DSCAML1: variants seen among roughly 807,000 people sequenced by gnomAD.
DSCAML1 encodes DS cell adhesion molecule like 1.
DSCAML1 carries 38 observed loss-of-function variants against 200.5 expected under a neutral mutation model. The ratio of observed to expected loss-of-function variants is 0.19; its 90% CI spans 0.15 to 0.25. The LOEUF (loss-of-function observed/expected upper bound fraction) is 0.25, where lower values mean the gene tolerates loss of function less well. Among genes scored for constraint, DSCAML1 ranks in the 10% least tolerant of loss-of-function variants. The probability of loss-of-function intolerance (pLI) is 1.00; values close to 1 mark genes in which losing one functional copy is unlikely to be tolerated. For missense variants in DSCAML1, 2,223 were observed against 2,858.8 expected (o/e 0.78, Z 5.07); for synonymous variants, 1,215 against 1,165.0 (o/e 1.04, Z -0.87).
intron 3 of DSCAML1, among the ~76,000 whole-genome samples, chr11:117,645,472 G>A (rs894439658): frequency 7.2e-5 from 11 of 151,958 alleles, no homozygotes; most frequent in South Asian, 2.1e-4. Flanking sequence ...TCAAATCTGC[G>A]GACCAGCATA....
chr11:117,723,640 G>C lies in DSCAML1; in HGVS notation c.511+53151C>G, dbSNP rs941105865. ...CCGCGGCTGTTTTAGAAGCCTGCCC[G>C]GGGTTGGCGTTGAGTTCATCTGTGG... On this transcript the variant is annotated intron_variant, in intron 3 of 32. Coordinates refer to ENST00000651296, the MANE Select transcript of DSCAML1 (RefSeq NM_020693.4). 2.0e-5 allele frequency among the ~76,000 whole-genome samples: 3 copies of C among 152,164 alleles called. No homozygotes were observed. In the East Asian group the frequency reaches 5.8e-4, roughly 29 times the overall value.
intron 21 of DSCAML1, among the ~76,000 whole-genome samples, chr11:117,441,489 T>A (rs1157721292): frequency 6.6e-6 from 1 of 151,668 alleles, no homozygotes; most frequent in Non-Finnish European, 1.5e-5. Context: ...CCAAGGGTGG[T>A]GGCGGAGGAC....
At chr11:117,558,964 T>G (rs568575412) in intron 3 of DSCAML1, among the ~76,000 whole-genome samples, 1 of 152,194 alleles carries the variant, frequency 6.6e-6, no homozygotes, top group South Asian at 2.1e-4. Flanking sequence ...GCCAAGGTCG[T>G]CTAGCTATTT....
chr11:117,534,308 G>A (rs952219204), intron 3 of DSCAML1, among the ~76,000 whole-genome samples: 1 of 152,226 alleles, frequency 6.6e-6, no homozygotes, highest in African/African-American at 2.4e-5. Flanking sequence ...GAACTGCAGG[G>A]CTGAAAAGCT....
intron 3 of DSCAML1, among the ~76,000 whole-genome samples, chr11:117,596,822 T>G (rs1194808810): frequency 6.6e-6 from 1 of 152,256 alleles, no homozygotes; most frequent in Admixed American, 6.5e-5. Context: ...TTCATTGTTT[T>G]GAATGCAGAG....
chr11:117,481,962 C>T lies in DSCAML1; in HGVS notation c.2559+1G>A. On this transcript the variant is annotated splice_donor_variant, in intron 12 of 32. Transcript: ENST00000651296. LOFTEE classifies it high-confidence loss of function. The stretch of plus-strand genomic sequence containing the variant: ...CCCAGCACTGAGGTGGGGGTGCTCA[C>T]CTTCAGTGTGGAGACGACCTCGTCG... 6.2e-7 allele frequency: 1 copy of T among 1,613,994 alleles called. No homozygotes were observed. Among genetic ancestry groups the T allele is most frequent in the Non-Finnish European group, 8.5e-7 (1 of 1,179,990 alleles).
At chr11:117,539,967 G>A (rs2510853) in intron 3 of DSCAML1, among the ~76,000 whole-genome samples, 79,166 of 152,078 alleles carry the variant, frequency 0.52, 21,208 homozygotes, top group African/African-American at 0.63. Context: ...ATTTGGGCAC[G>A]TGCTTCAACA....
chr11:117,719,106 T>C (rs1386162507), intron 3 of DSCAML1, among the ~76,000 whole-genome samples: 1 of 151,994 alleles, frequency 6.6e-6, no homozygotes, highest in Non-Finnish European at 1.5e-5. Flanking sequence ...CATAGTAACC[T>C]AGGGGGAGGG....
intron 24 of DSCAML1, 97 bp from the exon 25 acceptor site, chr11:117,438,180 G>C (rs188609835): frequency 8.1e-7 from 1 of 1,234,090 alleles, no homozygotes; most frequent in South Asian, 1.5e-5. Flanking sequence ...GCTCCAGGCA[G>C]GGGGCAGAGT....
intron 3 of DSCAML1, among the ~76,000 whole-genome samples, chr11:117,678,015 C>T (rs2053246471): frequency 6.6e-6 from 1 of 152,212 alleles, no homozygotes; most frequent in Non-Finnish European, 1.5e-5. Flanking sequence ...CGGAGACCAA[C>T]CAAAAAGGTC....
chr11:117,568,823 C>T (rs1436260144), intron 3 of DSCAML1, among the ~76,000 whole-genome samples: 1 of 152,182 alleles, frequency 6.6e-6, no homozygotes, highest in Non-Finnish European at 1.5e-5. Context: ...TCAATGCCAT[C>T]ACCATCAGGC....
chr11:117,587,172 C>T (rs1053953476), intron 3 of DSCAML1, among the ~76,000 whole-genome samples: 3 of 152,070 alleles, frequency 2.0e-5, no homozygotes, highest in Admixed American at 2.0e-4. Flanking sequence ...CCACCACCCT[C>T]ACTCCTCCTA....
Position 117,505,821 on chromosome 11 carries a change from G to A in DSCAML1, c.1784-89C>T. 6.8e-7 allele frequency: 1 copy of A among 1,476,020 alleles called. No individual in the cohort carries two copies. The highest frequency in any genetic ancestry group is 9.0e-7 in the Non-Finnish European group (1 of 1,105,044). 91.4% of individuals were successfully genotyped at this position (1,476,020 alleles called of 1,614,324 possible). A position where few individuals can be genotyped will look rare whatever the true frequency, so the allele number is the denominator to read the frequency against. On this transcript the variant is annotated intron_variant, in intron 8 of 32. Transcript: ENST00000651296. This position sits in a 1 kb window ranked among gnomAD's most constrained non-coding sequence, Gnocchi z 6.7. ...CCTCACCTGCCTTACCTGGGGCTCT[G>A]GGTTGGGCCTTGAACAAAGATCCCC...
rs533948278 is a variant in DSCAML1 at position 117,675,470 on chromosome 11, ATTTT to A, written c.511+101317_511+101320del. On this transcript the variant is annotated intron_variant, in intron 3 of 32. Transcript: ENST00000651296. ...GTGCCCCTATGCCTGGCTGATTGAA[ATTTT>A]TTTTTTTTTTTTTTTTTTTTTTTTT... is the stretch of plus-strand genomic sequence containing the variant. Among the ~76,000 whole-genome samples the A allele has an allele frequency of 8.1e-3, 781 of 96,916 alleles. 12 individuals carry two copies. Among genetic ancestry groups the A allele is most frequent in the African/African-American group, 0.033 (690 of 20,726 alleles). The allele number at this position is 96,916 out of a possible 152,430, so 63.6% of individuals were successfully genotyped here.
intron 3 of DSCAML1, among the ~76,000 whole-genome samples, chr11:117,535,577 A>G (rs371628389): frequency 6.6e-6 from 1 of 152,180 alleles, no homozygotes; most frequent in Non-Finnish European, 1.5e-5. Context: ...AAGCACGGAG[A>G]AAGCCAGCTC....
At chr11:117,440,298 G>A (rs1052528427) in intron 21 of DSCAML1, among the ~76,000 whole-genome samples, 87 of 152,216 alleles carry the variant, frequency 5.7e-4, no homozygotes, top group African/African-American at 1.9e-3. Context: ...GCCTAGGGGT[G>A]CGAGGCAGGG....
At chr11:117,744,031 A>G (rs2054470559) in intron 3 of DSCAML1, among the ~76,000 whole-genome samples, 1 of 152,200 alleles carries the variant, frequency 6.6e-6, no homozygotes, top group Non-Finnish European at 1.5e-5. Context: ...GGATGGGGTG[A>G]TGCGAGAACA....
intron 1 of DSCAML1, among the ~76,000 whole-genome samples, chr11:117,805,408 A>G (rs570429071): frequency 1.3e-5 from 2 of 152,368 alleles, no homozygotes; most frequent in African/African-American, 4.8e-5. Context: ...CAGAAAACAG[A>G]AAAAGATCTA....
chr11:117,606,282 CCTTCCATGG>C, intron 3 of DSCAML1, among the ~76,000 whole-genome samples: 1 of 152,308 alleles, frequency 6.6e-6, no homozygotes, highest in East Asian at 1.9e-4. Context: ...GCATTCTCTT[CCTTCCATGG>C]CTTCCATGGC....
Sources: allele counts gnomAD v4.1 joint callset (sites outside exome capture counted in the v4.1 genomes callset), GRCh38; gene constraint gnomAD v4.1.1; non-coding constraint Gnocchi (gnomAD v3.1); transcripts MANE v1.5; gene names NCBI Gene and HGNC (gene_info 2026-07-23, HGNC 2026-07-21).